Variants in AGMO observed in about 807,000 individuals in gnomAD.
The protein encoded by AGMO is alkylglycerol monooxygenase, also known as glyceryl-ether monooxygenase.
In AGMO, 75 loss-of-function variants were observed where a neutral mutation model predicts 60.2. The ratio of observed to expected loss-of-function variants is 1.25; its 90% CI spans 1.03 to 1.51. The LOEUF is 1.51. Among genes scored for constraint, AGMO ranks in the 40% most tolerant of loss-of-function variants. The probability of loss-of-function intolerance (pLI) is 0.00; values close to 1 mark genes in which losing one functional copy is unlikely to be tolerated. For synonymous variants in AGMO, 261 were observed against 177.1 expected (o/e 1.47, Z -3.76); for missense variants, 763 against 525.5 (o/e 1.45, Z -4.42).
intron 12 of AGMO, among the ~76,000 whole-genome samples, chr7:15,257,036 A>G (rs1394357610): frequency 6.6e-6 from 1 of 152,158 alleles, no homozygotes; most frequent in Non-Finnish European, 1.5e-5. Context: ...CCATGATTCT[A>G]TACTTCTAAA....
chr7:15,250,883 T>C (rs545758833), intron 12 of AGMO, among the ~76,000 whole-genome samples: 61 of 151,682 alleles, frequency 4.0e-4, no homozygotes, highest in African/African-American at 1.4e-3. Flanking sequence ...AGGCAGACGT[T>C]GCAGTGAGCC....
chr7:15,220,341 T>C (rs1781882341), intron 12 of AGMO, among the ~76,000 whole-genome samples: 2 of 148,390 alleles, frequency 1.3e-5, no homozygotes, highest in African/African-American at 5.0e-5. Context: ...TGCCTCAGCC[T>C]CCCAAGTGGC....
the AGMO span, among the ~76,000 whole-genome samples, chr7:15,167,716 T>C: frequency 6.6e-6 from 1 of 152,198 alleles, no homozygotes; most frequent in Non-Finnish European, 1.5e-5. Flanking sequence ...AAGCAAGACA[T>C]TTACACCTAT....
At chr7:15,322,560 A>G (rs1421315882) in intron 12 of AGMO, among the ~76,000 whole-genome samples, 10 of 47,990 alleles carry the variant, frequency 2.1e-4, no homozygotes, top group African/African-American at 1.2e-3. Flanking sequence ...ATATATAAAT[A>G]TATAAATATA....
chr7:15,141,911 T>C, the AGMO span, among the ~76,000 whole-genome samples: 1 of 152,202 alleles, frequency 6.6e-6, no homozygotes, highest in East Asian at 1.9e-4. Flanking sequence ...TTAAAGAATA[T>C]GTTTAAAAAA....
At chr7:15,550,340 G>C (rs1784913782) in intron 2 of AGMO, among the ~76,000 whole-genome samples, 1 of 152,010 alleles carries the variant, frequency 6.6e-6, no homozygotes, top group African/African-American at 2.4e-5. Context: ...AGGAAATAGA[G>C]ACACAAAACA....
chr7:15,194,169 T>A, the AGMO span, among the ~76,000 whole-genome samples: 2 of 152,152 alleles, frequency 1.3e-5, no homozygotes, highest in Admixed American at 6.5e-5. Flanking sequence ...GTTTCACATT[T>A]GATGGGATAG....
At chr7:15,394,456 T>C in intron 5 of AGMO, among the ~76,000 whole-genome samples, 1 of 152,194 alleles carries the variant, frequency 6.6e-6, no homozygotes, top group East Asian at 1.9e-4. Flanking sequence ...CTTACTACTG[T>C]GTGATCCTGG....
At chr7:15,380,351 T>A (rs986326028) in intron 10 of AGMO, among the ~76,000 whole-genome samples, 1 of 152,126 alleles carries the variant, frequency 6.6e-6, no homozygotes, top group Admixed American at 6.6e-5. Context: ...TCACTGGCAT[T>A]TCTATACACC....
In AGMO at chr7:15,544,891, T is replaced by C. The variant is rs1455339178; in HGVS notation, c.290A>G (p.Tyr97Cys). 2.5e-6 allele frequency: 4 copies of C among 1,591,554 alleles called. No individual in the cohort carries two copies. Among genetic ancestry groups the C allele is most frequent in the South Asian group, 1.1e-5 (1 of 87,698 alleles). The change falls in exon 3 of 13, where the codon TAT becomes TGT. Residue 97 changes from tyrosine (Y) to cysteine (C), a missense_variant. By Grantham distance (194) the Tyr-to-Cys change is radical (BLOSUM62 -2). Transcript: ENST00000342526. ...LFFRSIELTS[Y>C]IYIWENYRLF... is the part of the protein sequence containing the mutation. ...CCTGTAGTTCTCCCAGATATAAATA[T>C]AACTGGTCAGTTCAATGCTCCTGAA... is the stretch of plus-strand genomic sequence containing the variant.
At chr7:15,143,988 A>G in the AGMO span, among the ~76,000 whole-genome samples, 2 of 152,192 alleles carry the variant, frequency 1.3e-5, no homozygotes, top group Non-Finnish European at 2.9e-5. Context: ...TAAGGTATAA[A>G]CAGATTATCA....
At chr7:15,308,204 C>A (rs936424668) in intron 12 of AGMO, among the ~76,000 whole-genome samples, 2 of 152,054 alleles carry the variant, frequency 1.3e-5, no homozygotes, top group Admixed American at 1.3e-4. Context: ...ATGTTCATCC[C>A]TTAACAATCA....
chr7:15,132,245 A>G, the AGMO span, among the ~76,000 whole-genome samples: 1 of 152,194 alleles, frequency 6.6e-6, no homozygotes, highest in Non-Finnish European at 1.5e-5. Context: ...GAATTCATTC[A>G]ACAACTTATT....
chr7:15,304,918 G>T (rs980203008), intron 12 of AGMO, among the ~76,000 whole-genome samples: 2 of 151,928 alleles, frequency 1.3e-5, no homozygotes, highest in Non-Finnish European at 2.9e-5. Flanking sequence ...GTTAAATCTT[G>T]GAGAGCACAC....
rs138483043 is a variant in AGMO, at chr7:15,448,783, G to T, written c.410-17675C>A. Among the ~76,000 whole-genome samples, 396 of 152,286 alleles carry T rather than the reference G, an allele frequency of 2.6e-3. 1 individual carries two copies. Among genetic ancestry groups the T allele is most frequent in the African/African-American group, 9.2e-3 (381 of 41,548 alleles). The stretch of plus-strand genomic sequence containing the variant: ...AAAAATGTGTGCAGTCAGCTGTGAG[G>T]AGAGTTGAAGGTGGTTTGAAGGTGA... On this transcript the variant is annotated intron_variant, in intron 3 of 12. Coordinates refer to ENST00000342526, the MANE Select transcript of AGMO (RefSeq NM_001004320.2).
At chr7:15,189,598 T>C in the AGMO span, among the ~76,000 whole-genome samples, 1 of 152,108 alleles carries the variant, frequency 6.6e-6, no homozygotes, top group Non-Finnish European at 1.5e-5. Context: ...AGGAACAGCA[T>C]CTTCTTTCCT....
chr7:15,385,713 G>C, intron 9 of AGMO, 151 bp from the exon 10 acceptor site: 3 of 635,202 alleles, frequency 4.7e-6, no homozygotes, highest in Admixed American at 3.0e-5. Context: ...TCTAAGTTAG[G>C]AGACTTTCTC....
chr7:15,552,266 A>G (rs1365622435), intron 2 of AGMO, among the ~76,000 whole-genome samples: 1 of 152,220 alleles, frequency 6.6e-6, no homozygotes, highest in Non-Finnish European at 1.5e-5. Context: ...ATGGGCAAGG[A>G]CTTCATGTCC....
chr7:15,345,690 T>C (rs557727981), intron 12 of AGMO, among the ~76,000 whole-genome samples: 6 of 152,190 alleles, frequency 3.9e-5, no homozygotes, highest in Non-Finnish European at 5.9e-5. Flanking sequence ...CTAAGTTCTT[T>C]ATACACAGAA....
Sources: allele counts gnomAD v4.1 joint callset (sites outside exome capture counted in the v4.1 genomes callset), GRCh38; gene constraint gnomAD v4.1.1; transcripts MANE v1.5; gene names NCBI Gene and HGNC (gene_info 2026-07-23, HGNC 2026-07-21).